Variants in TOM1 observed in about 807,000 individuals in gnomAD.
TOM1 encodes the protein target of Myb protein 1.
A neutral mutation model predicts 61.3 loss-of-function variants in TOM1; 38 were observed. The ratio of observed to expected loss-of-function variants is 0.62; its 90% CI spans 0.48 to 0.81. The LOEUF (loss-of-function observed/expected upper bound fraction) is 0.81. Among genes scored for constraint, TOM1 ranks in the 40% least tolerant of loss-of-function variants. The probability of loss-of-function intolerance (pLI) is 0.00; values close to 1 mark genes in which losing one functional copy is unlikely to be tolerated. For missense variants in TOM1, 591 were observed against 659.6 expected (o/e 0.90, Z 1.14); for synonymous variants, 270 against 268.8 (o/e 1.00, Z -0.04).
chr22:35,312,348 T>C (rs1408720267), intron 1 of TOM1, among the ~76,000 whole-genome samples: 1 of 152,058 alleles, frequency 6.6e-6, no homozygotes, highest in African/African-American at 2.4e-5. Flanking sequence ...TTTCCTGCCA[T>C]GGAAACGACC....
chr22:35,301,314 ATATAT>A (rs138732), intron 1 of TOM1, among the ~76,000 whole-genome samples: 77,671 of 146,036 alleles, frequency 0.53, 22,724 homozygotes, highest in Non-Finnish European at 0.65. Flanking sequence ...ACACATACAT[ATATAT>A]TATATGTATT....
intron 11 of TOM1, 49 bp downstream of exon 11, chr22:35,334,497 G>A (rs371665132): frequency 1.8e-5 from 29 of 1,608,780 alleles, no homozygotes; most frequent in African/African-American, 6.7e-5. Flanking sequence ...GGTGGCTCTC[G>A]GGGTTCTGGA....
intron 9 of TOM1, 120 bp downstream of exon 9, chr22:35,333,134 A>G: frequency 8.7e-7 from 1 of 1,152,696 alleles, no homozygotes. Context: ...AGGCCCATAG[A>G]GAAATCCCCT....
At chr22:35,301,444 C>A (rs867864110) in intron 1 of TOM1, among the ~76,000 whole-genome samples, 17 of 152,322 alleles carry the variant, frequency 1.1e-4, no homozygotes, top group Admixed American at 3.9e-4. Flanking sequence ...TGAGAACCGA[C>A]ATGCCTTCAC....
At position 35,345,794 on chromosome 22, in the gene TOM1, G is replaced by A. The variant is rs369344190; in HGVS notation, c.1284+10G>A. The A allele has an allele frequency of 5.6e-6, 9 of 1,613,660 alleles. No individual in the cohort carries two copies. Among genetic ancestry groups the A allele is most frequent in the Admixed American group, 1.7e-5 (1 of 60,018 alleles). On this transcript the variant is annotated intron_variant, in intron 13 of 14. Coordinates refer to ENST00000449058, the MANE Select transcript of TOM1 (RefSeq NM_005488.3). ...GCTGTCCACTGACGTGGTATGTTGG[G>A]GCCCACTCCTCACCCACACAGCAGG...
chr22:35,303,670 G>A (rs138741), intron 1 of TOM1, among the ~76,000 whole-genome samples: 77,980 of 151,750 alleles, frequency 0.51, 22,865 homozygotes, highest in Non-Finnish European at 0.65. Context: ...GCTAATTTTT[G>A]TATTTTTAGT....
chr22:35,314,779 C>T (rs1217892431), intron 1 of TOM1, among the ~76,000 whole-genome samples: 1 of 152,220 alleles, frequency 6.6e-6, no homozygotes, highest in African/African-American at 2.4e-5. Context: ...ATGCGGATGG[C>T]ACAGAAGCCT....
intron 1 of TOM1, among the ~76,000 whole-genome samples, chr22:35,308,853 A>G (rs748914491): frequency 3.9e-5 from 6 of 152,038 alleles, no homozygotes; most frequent in Non-Finnish European, 7.4e-5. Flanking sequence ...CGGAAGCAAT[A>G]CCCTCTGTAA....
chr22:35,320,102 A>G (rs1209202184), intron 2 of TOM1, among the ~76,000 whole-genome samples: 2 of 152,100 alleles, frequency 1.3e-5, no homozygotes, highest in East Asian at 1.9e-4. Context: ...GGCTCTAGGA[A>G]GGGAAGCTGT....
chr22:35,326,817 AG>A (rs1928357138), intron 6 of TOM1, among the ~76,000 whole-genome samples: 2 of 151,208 alleles, frequency 1.3e-5, no homozygotes, highest in Non-Finnish European at 1.5e-5. Flanking sequence ...GAGGAGAGAG[AG>A]GGGGGGATCC....
chr22:35,305,656 C>G (rs1926264374), intron 1 of TOM1, among the ~76,000 whole-genome samples: 1 of 99,736 alleles, frequency 1.0e-5, no homozygotes, highest in Non-Finnish European at 2.6e-5. Flanking sequence ...GAGACTCAAT[C>G]TCAAAAAAAA....
intron 1 of TOM1, among the ~76,000 whole-genome samples, chr22:35,316,805 A>G (rs1383378804): frequency 6.6e-6 from 1 of 152,112 alleles, no homozygotes; most frequent in African/African-American, 2.4e-5. Context: ...AAAAAGAACC[A>G]CCACCACTTG....
At chr22:35,345,813 C>G (rs763269373) in intron 13 of TOM1, 29 bp downstream of exon 13, 23 of 1,610,762 alleles carry the variant, frequency 1.4e-5, no homozygotes, top group Non-Finnish European at 2.0e-5. Flanking sequence ...CTCACCCACA[C>G]AGCAGGAGGA....
chr22:35,303,266 C>T (rs1315283941), intron 1 of TOM1, among the ~76,000 whole-genome samples: 1 of 152,040 alleles, frequency 6.6e-6, no homozygotes, highest in Non-Finnish European at 1.5e-5. Context: ...AGGCTTGCCC[C>T]AAGCCCGACG....
At position 35,323,547 on chromosome 22, in the gene TOM1, A is replaced by G. The variant is rs1313500308; in HGVS notation, c.418A>G (p.Ile140Val). ...SSPDLTGVVTIYEDLRRKGLE... is the reference protein window; with the variant it reads ...SSPDLTGVVTVYEDLRRKGLE... ...GCCCGATCTGACAGGTGTGGTCACCATCTATGAGGACCTGCGGAGGAAAGG... is the reference window on the plus strand; with the variant it reads ...GCCCGATCTGACAGGTGTGGTCACCGTCTATGAGGACCTGCGGAGGAAAGG... Residue 140 changes from isoleucine (I) to valine (V), a missense_variant, in exon 5 of 15, where the codon ATC becomes GTC. Physicochemically the swap from Ile to Val is conservative, Grantham distance 29 (BLOSUM62 3). Coordinates refer to ENST00000449058, the MANE Select transcript of TOM1 (RefSeq NM_005488.3). This position sits in a 1 kb window ranked among gnomAD's most constrained non-coding sequence, Gnocchi z 4.2. 1 of 1,614,046 alleles carries G rather than the reference A, an allele frequency of 6.2e-7. No homozygotes were observed. The highest frequency in any genetic ancestry group is 1.3e-5 in the African/African-American group (1 of 74,906).
intron 12 of TOM1, among the ~76,000 whole-genome samples, chr22:35,342,503 A>G (rs922274174): frequency 2.6e-5 from 4 of 151,962 alleles, no homozygotes; most frequent in Non-Finnish European, 5.9e-5. Flanking sequence ...CCCCCAGACC[A>G]TCTGACAGCC....
intron 1 of TOM1, among the ~76,000 whole-genome samples, chr22:35,303,316 C>T (rs1926018957): frequency 6.6e-6 from 1 of 151,992 alleles, no homozygotes; most frequent in African/African-American, 2.4e-5. Context: ...TCCTCAGGCC[C>T]CCTTGCCCTA....
At chr22:35,341,511 G>A (rs1349153386) in intron 12 of TOM1, among the ~76,000 whole-genome samples, 2 of 152,158 alleles carry the variant, frequency 1.3e-5, no homozygotes, top group East Asian at 3.9e-4. Context: ...CTTCCAGTGT[G>A]TCGGGATTCA....
At chr22:35,314,681 G>A (rs377607335) in intron 1 of TOM1, among the ~76,000 whole-genome samples, 8 of 152,062 alleles carry the variant, frequency 5.3e-5, no homozygotes, top group African/African-American at 1.4e-4. Context: ...GAGGCCTGCC[G>A]GTGGAGCTCA....
Sources: allele counts gnomAD v4.1 joint callset (sites outside exome capture counted in the v4.1 genomes callset), GRCh38; gene constraint gnomAD v4.1.1; non-coding constraint Gnocchi (gnomAD v3.1); transcripts MANE v1.5; gene names NCBI Gene and HGNC (gene_info 2026-07-23, HGNC 2026-07-21).